Variants in FGD5 observed in about 807,000 individuals in gnomAD.
FGD5 encodes FYVE, RhoGEF and PH domain containing 5, also known as FYVE, RhoGEF and PH domain-containing protein 5.
Under a neutral mutation model 133.4 loss-of-function variants are expected in FGD5, and 28 were observed. That is an observed-to-expected ratio of 0.21 (90% CI 0.16 to 0.29). FGD5 has a LOEUF of 0.29. Among genes scored for constraint, FGD5 ranks in the 10% least tolerant of loss-of-function variants. The probability of loss-of-function intolerance (pLI) is 1.00; values close to 1 mark genes in which losing one functional copy is unlikely to be tolerated. For missense variants in FGD5, 1,858 were observed against 1,895.2 expected (o/e 0.98, Z 0.36); for synonymous variants, 810 against 776.5 (o/e 1.04, Z -0.72).
Position 14,917,519 on chromosome 3 carries a change from T to C in FGD5, c.3489+187T>C, listed in dbSNP as rs1396975902. Among the ~76,000 whole-genome samples the C allele has an allele frequency of 6.6e-6, 1 of 152,000 alleles. No individual in the cohort carries two copies. Among genetic ancestry groups the C allele is most frequent in the Non-Finnish European group, 1.5e-5 (1 of 67,992 alleles). On this transcript the variant is annotated intron_variant, in intron 12 of 19. Transcript: ENST00000285046. This position sits in a 1 kb window ranked among gnomAD's most constrained non-coding sequence, Gnocchi z 4.1. The stretch of plus-strand genomic sequence containing the variant: ...GGAAAGGGGAGGGGGATGGAGGGCT[T>C]CTTGGAAGAGGAGACTGAACCCTTA...
intron 2 of FGD5, among the ~76,000 whole-genome samples, chr3:14,875,230 C>G (rs2037693535): frequency 6.6e-6 from 1 of 152,154 alleles, no homozygotes; most frequent in African/African-American, 2.4e-5. Context: ...TTGGGACCCT[C>G]AACACATGGA....
chr3:14,896,495 A>T (rs992369169), intron 4 of FGD5, among the ~76,000 whole-genome samples: 5 of 150,188 alleles, frequency 3.3e-5, no homozygotes, highest in Non-Finnish European at 7.4e-5. Context: ...TTTGAGACGG[A>T]GTTTTATTCT....
intron 18 of FGD5, among the ~76,000 whole-genome samples, chr3:14,928,140 C>G (rs1469844290): frequency 2.6e-5 from 4 of 151,930 alleles, no homozygotes; most frequent in Non-Finnish European, 5.9e-5. Context: ...CGAGGTTTCA[C>G]CATGTTGGCC....
intron 18 of FGD5, chr3:14,931,331 C>T (rs906718504): frequency 6.6e-6 from 1 of 152,012 alleles, no homozygotes; most frequent in Non-Finnish European, 1.5e-5. Context: ...GAATTGATTC[C>T]TTTTATTTTA....
At chr3:14,900,350 A>G (rs561234075) in intron 7 of FGD5, 53 bp from the exon 8 acceptor site, 4 of 1,587,686 alleles carry the variant, frequency 2.5e-6, no homozygotes, top group Admixed American at 1.7e-5. Context: ...AGTTGTGGGC[A>G]GGAGGGGCTG....
upstream of FGD5, among the ~76,000 whole-genome samples, chr3:14,815,702 C>G (rs2036358505): frequency 6.6e-6 from 1 of 152,190 alleles, no homozygotes; most frequent in African/African-American, 2.4e-5. Context: ...TCACCGTGGC[C>G]TTAGTTTCCC....
At chr3:14,869,186 T>A (rs1327613502) in intron 2 of FGD5, among the ~76,000 whole-genome samples, 1 of 151,944 alleles carries the variant, frequency 6.6e-6, no homozygotes, top group African/African-American at 2.4e-5. Flanking sequence ...CCCAGCTACT[T>A]TGGAGGCTAA....
chr3:14,869,855 G>A (rs78820346), intron 2 of FGD5, among the ~76,000 whole-genome samples: 3 of 152,164 alleles, frequency 2.0e-5, no homozygotes, highest in Non-Finnish European at 4.4e-5. Context: ...CAGATGCATG[G>A]GTTGCTTTCA....
At chr3:14,891,778 A>G (rs902241694) in intron 4 of FGD5, among the ~76,000 whole-genome samples, 12 of 152,204 alleles carry the variant, frequency 7.9e-5, no homozygotes, top group South Asian at 2.1e-4. Flanking sequence ...TGGCGCAGGC[A>G]CACGCCTCTG....
intron 2 of FGD5, among the ~76,000 whole-genome samples, chr3:14,868,388 C>T (rs989532789): frequency 2.4e-4 from 37 of 152,350 alleles, no homozygotes; most frequent in African/African-American, 8.9e-4. Flanking sequence ...CCAGCAGGGC[C>T]CACATGCCCA....
chr3:14,917,061 C>A lies in FGD5; in HGVS notation c.3406-188C>A, dbSNP rs1400795665. Reference sequence around the variant, plus strand: ...GGCATATGCATTTATTCCTCTCAAGCATCGAACCAGGAGTAGAGTGGCAAG... The same window carrying A: ...GGCATATGCATTTATTCCTCTCAAGAATCGAACCAGGAGTAGAGTGGCAAG... On this transcript the variant is annotated intron_variant, in intron 11 of 19. Coordinates refer to ENST00000285046, the MANE Select transcript of FGD5 (RefSeq NM_152536.4). The surrounding 1 kb of genome is among the most constrained non-coding windows in gnomAD (Gnocchi z 4.1). Among the ~76,000 whole-genome samples, 2 of 152,228 alleles carry A rather than the reference C, an allele frequency of 1.3e-5. No individual in the cohort carries two copies. The highest frequency in any genetic ancestry group is 6.5e-5 in the Admixed American group (1 of 15,286).
At chr3:14,817,433 T>C (rs572149443), upstream of FGD5, among the ~76,000 whole-genome samples, 1 of 152,314 alleles carries the variant, frequency 6.6e-6, no homozygotes, top group African/African-American at 2.4e-5. Context: ...TGACCTCAAG[T>C]GATCTGCCCA....
chr3:14,855,673 A>G (rs536207796), intron 1 of FGD5, among the ~76,000 whole-genome samples: 2 of 151,576 alleles, frequency 1.3e-5, no homozygotes, highest in South Asian at 4.2e-4. Flanking sequence ...AGAAATGTCT[A>G]TTCATATCAT....
Position 14,821,340 on chromosome 3 carries a change from C to A in FGD5, c.2269C>A (p.Pro757Thr), listed in dbSNP as rs1161052045. 8.7e-6 allele frequency: 14 copies of A among 1,613,890 alleles called. No individual in the cohort carries two copies. The highest frequency in any genetic ancestry group is 1.2e-5 in the Non-Finnish European group (14 of 1,179,900). ...DRSRPPFLPL[P>T]LTKPRSISFP... The stretch of plus-strand genomic sequence containing the variant: ...CTCCCGGCCGCCCTTCCTGCCCTTG[C>A]CACTGACCAAGCCACGGTCCATCTC... The change falls in exon 1 of 20, where the codon CCA becomes ACA. Residue 757 changes from proline to threonine, a missense_variant. This residue lies in a region of FGD5 where 1,824 missense variants were observed against 1,848.9 expected (regional missense o/e 0.99). Transcript: ENST00000285046.
intron 6 of FGD5, 113 bp from the exon 7 acceptor site, chr3:14,898,626 T>G (rs1257213061): frequency 2.4e-6 from 2 of 837,820 alleles, no homozygotes; most frequent in Non-Finnish European, 3.8e-6. Flanking sequence ...GAGGGAGAAG[T>G]TCAGCTGGCC....
chr3:14,827,430 C>T (rs371009105), intron 1 of FGD5, among the ~76,000 whole-genome samples: 3 of 151,940 alleles, frequency 2.0e-5, no homozygotes, highest in East Asian at 1.9e-4. Flanking sequence ...CTGAGGCGCC[C>T]GCCACCATGG....
At chr3:14,905,894 A>T (rs1020333143) in intron 9 of FGD5, among the ~76,000 whole-genome samples, 1 of 152,026 alleles carries the variant, frequency 6.6e-6, no homozygotes, top group African/African-American at 2.4e-5. Context: ...GTAGAGACTG[A>T]GGTAAATCGT....
At chr3:14,831,545 A>G (rs1467003926) in intron 1 of FGD5, among the ~76,000 whole-genome samples, 1 of 152,112 alleles carries the variant, frequency 6.6e-6, no homozygotes, top group Non-Finnish European at 1.5e-5. Context: ...GAGGTCCCCC[A>G]TCTGAGTGCT....
intron 11 of FGD5, among the ~76,000 whole-genome samples, chr3:14,915,919 G>C (rs113695044): frequency 6.6e-6 from 1 of 152,124 alleles, no homozygotes; most frequent in Non-Finnish European, 1.5e-5. Flanking sequence ...ATGTGTACAG[G>C]GTTCACCCTG....
Sources: allele counts gnomAD v4.1 joint callset (sites outside exome capture counted in the v4.1 genomes callset), GRCh38; gene constraint gnomAD v4.1.1; regional missense constraint gnomAD v4.1.1; non-coding constraint Gnocchi (gnomAD v3.1); transcripts MANE v1.5; gene names NCBI Gene and HGNC (gene_info 2026-07-23, HGNC 2026-07-21).